The following SWI5 variants were observed in gnomAD, a reference collection of about 807,000 sequenced individuals.
The protein encoded by SWI5 is DNA repair protein SWI5 homolog.
A neutral mutation model predicts 17.0 loss-of-function variants in SWI5; 12 were observed. The ratio of observed to expected loss-of-function variants is 0.71; its 90% confidence interval spans 0.45 to 1.14. The LOEUF is 1.14. SWI5 is among the 50% of genes most tolerant of loss of function. The pLI, the probability that SWI5 is intolerant of heterozygous loss-of-function variation, is 0.00. For missense variants in SWI5, 158 were observed against 162.2 expected, an observed-to-expected ratio of 0.97 and a Z score of 0.14; for synonymous variants, 61 against 64.0, an observed-to-expected ratio of 0.95 and a Z score of 0.22.
chr9:128,275,837 T>C (rs1025443778), upstream of SWI5: 3 of 911,980 alleles, frequency 3.3e-6, no homozygotes, highest in Middle Eastern at 2.1e-4. Context: ...GCCATGGTCC[T>C]GCCATCGGAG....
At chr9:128,276,171 T>C, upstream of SWI5, 1 of 1,578,138 alleles carries the variant, frequency 6.3e-7, no homozygotes, top group Non-Finnish European at 8.6e-7. Flanking sequence ...CAGAGGGACC[T>C]GTGGCGTCAC....
At chr9:128,279,388 C>T (rs1339650357) in intron 2 of SWI5, among the ~76,000 whole-genome samples, 5 of 151,916 alleles carry the variant, frequency 3.3e-5, no homozygotes, top group Admixed American at 2.6e-4. Context: ...TGGCTGGGCA[C>T]GCTGATATTT....
upstream of SWI5, chr9:128,275,808 AG>A: frequency 1.4e-6 from 1 of 727,538 alleles, no homozygotes; most frequent in Non-Finnish European, 2.3e-6. Flanking sequence ...GGTGTGCCTC[AG>A]GAGTGGCAGA....
At chr9:128,275,547 C>CACCCGGGGGCG (rs1831276400), upstream of SWI5, 1 of 1,249,446 alleles carries the variant, frequency 8.0e-7, no homozygotes, top group Admixed American at 3.9e-5. Context: ...GGCCCAAAGT[C>CACCCGGGGGCG]ACTGGCGAGG....
At chr9:128,279,306 G>A (rs1831494711) in intron 2 of SWI5, among the ~76,000 whole-genome samples, 2 of 152,298 alleles carry the variant, frequency 1.3e-5, no homozygotes, top group East Asian at 1.9e-4. Context: ...ACAAGACAAA[G>A]AGATAAAGAG....
At chr9:128,278,736 G>A in intron 2 of SWI5, 1 of 453,616 alleles carries the variant, frequency 2.2e-6, no homozygotes. Context: ...GCAGAGCTGG[G>A]GGCTTTAAAC....
At chr9:128,284,516 T>C (rs1376382864) in exon 3 of SWI5, 2 of 1,613,282 alleles carry the variant, frequency 1.2e-6, no homozygotes. Context: ...TCAGAGGCCA[T>C]TGCCCAAGTC....
In SWI5 at chr9:128,288,728, G is replaced by C. The variant is rs374819564; in HGVS notation, c.*12G>C. 3.1e-6 allele frequency: 5 copies of C among 1,613,852 alleles called. No homozygotes were observed. The South Asian group carries it at 4.4e-5, about 14-fold the overall frequency. On this transcript the variant is annotated 3_prime_UTR_variant, in exon 5 of 5. Transcript: ENST00000418976. Reference sequence around the variant, plus strand: ...ACATGAATGACTGAGCAGGCTCATCGCCCCTTGTCCACAGCTCCCAGGGAC... The same window carrying C: ...ACATGAATGACTGAGCAGGCTCATCCCCCCTTGTCCACAGCTCCCAGGGAC...
chr9:128,279,663 A>G (rs1300725707), intron 2 of SWI5, among the ~76,000 whole-genome samples: 1 of 152,250 alleles, frequency 6.6e-6, no homozygotes, highest in East Asian at 1.9e-4. Context: ...ATAAAAGTGG[A>G]CAAGGAGCGT....
intron 3 of SWI5, 65 bp downstream of exon 3, chr9:128,284,696 C>T: frequency 6.4e-7 from 1 of 1,564,382 alleles, no homozygotes; most frequent in Non-Finnish European, 8.7e-7. Flanking sequence ...TGGTTCACGC[C>T]TGTAATCCCA....
chr9:128,276,166 G>A, upstream of SWI5: 3 of 1,571,568 alleles, frequency 1.9e-6, no homozygotes, highest in Non-Finnish European at 2.6e-6. Context: ...GTGGCCAGAG[G>A]GACCTGTGGC....
At chr9:128,275,778 C>T (rs370095156), upstream of SWI5, 2 of 627,410 alleles carry the variant, frequency 3.2e-6, no homozygotes, top group East Asian at 3.3e-5. Context: ...AGCCCGGACG[C>T]GCCGTGGGGA....
At chr9:128,276,330 C>G in exon 1 of SWI5, 1 of 1,613,126 alleles carries the variant, frequency 6.2e-7, no homozygotes, top group Non-Finnish European at 8.5e-7. Context: ...GGTCGCTCTC[C>G]GACTCCCGCG....
At position 128,285,429 on chromosome 9, in the gene SWI5, T is replaced by C. The variant is rs1348692728; in HGVS notation, c.234-510T>C. ...CTGGAAAGCTATCTGGGATGGAAGC[T>C]GTTGCTCTTCCAGTCTCCGGAGCCA... On this transcript the variant is annotated intron_variant, in intron 3 of 4. Transcript: ENST00000418976. This position sits in a 1 kb window ranked among gnomAD's most constrained non-coding sequence, Gnocchi z 4.8. Among the ~76,000 whole-genome samples the C allele has an allele frequency of 6.6e-6, 1 of 152,150 alleles. No individual in the cohort carries two copies. Among genetic ancestry groups the C allele is most frequent in the Non-Finnish European group, 1.5e-5 (1 of 68,026 alleles).
intron 2 of SWI5, among the ~76,000 whole-genome samples, chr9:128,277,893 T>C (rs1450959307): frequency 6.6e-6 from 1 of 151,852 alleles, no homozygotes; most frequent in Non-Finnish European, 1.5e-5. Flanking sequence ...TCTTTGACCA[T>C]GCGGTAACTC....
chr9:128,276,091 C>G, upstream of SWI5: 1 of 1,570,308 alleles, frequency 6.4e-7, no homozygotes, highest in Non-Finnish European at 8.6e-7. Context: ...GGCGTGGCCT[C>G]AAAGATCAAA....
chr9:128,286,184 G>T, intron 4 of SWI5, 151 bp downstream of exon 4: 1 of 600,878 alleles, frequency 1.7e-6, no homozygotes, highest in East Asian at 2.8e-5. Context: ...CCCCTCTCCT[G>T]ACCAGCCTCT....
Position 128,278,044 on chromosome 9 carries a change from C to G in SWI5, c.111+1289C>G, listed in dbSNP as rs190066892. Among the ~76,000 whole-genome samples, 492 of 151,508 alleles carry G rather than the reference C, an allele frequency of 3.2e-3. 4 individuals are homozygous for G. The highest frequency in any genetic ancestry group is 6.8e-3 in the Admixed American group (103 of 15,212). On this transcript the variant is annotated intron_variant, in intron 2 of 4. Transcript: ENST00000418976. The stretch of plus-strand genomic sequence containing the variant: ...CTGGGCTCACTGTAACCTCTGCCTC[C>G]CAGGCCCAACCCATCCTCTTGCCTC...
exon 5 of SWI5, chr9:128,288,798 C>A: frequency 6.8e-7 from 1 of 1,478,492 alleles, no homozygotes; most frequent in Non-Finnish European, 9.4e-7. Flanking sequence ...AACCAGCACA[C>A]CTACAGAGTT....
Sources: gnomAD v4.1 joint callset for allele counts (sites outside exome capture counted in the v4.1 genomes callset) on GRCh38, gnomAD v4.1.1 for gene constraint, Gnocchi (gnomAD v3.1) non-coding constraint, MANE v1.5 for transcripts, NCBI Gene and HGNC (gene_info 2026-07-23, HGNC 2026-07-21) for gene names.